Variants in ROBO1 observed in about 807,000 individuals in gnomAD.
ROBO1 encodes the protein roundabout homolog 1.
ROBO1 carries 149 observed loss-of-function variants against 195.9 expected under a neutral mutation model. The ratio of observed to expected loss-of-function variants is 0.76; its 90% CI spans 0.67 to 0.87. The LOEUF is 0.87. ROBO1 is among the 40% of genes least tolerant of loss of function. The pLI is 0.00. For missense variants in ROBO1, 1,933 were observed against 2,068.3 expected (o/e 0.93, Z 1.27); for synonymous variants, 816 against 733.2 (o/e 1.11, Z -1.82).
At chr3:78,881,294 G>A (rs984002867) in intron 4 of ROBO1, among the ~76,000 whole-genome samples, 1 of 152,094 alleles carries the variant, frequency 6.6e-6, no homozygotes, top group South Asian at 2.1e-4. Context: ...AGTGTGTTAC[G>A]GAGCCCCTCT....
chr3:79,631,791 G>A (rs1254296779), intron 1 of ROBO1, among the ~76,000 whole-genome samples: 1 of 151,766 alleles, frequency 6.6e-6, no homozygotes, highest in Non-Finnish European at 1.5e-5. Flanking sequence ...GAAAAAACAA[G>A]TAAACCCATT....
At chr3:79,551,309 G>T (rs893998361) in intron 2 of ROBO1, among the ~76,000 whole-genome samples, 5 of 151,548 alleles carry the variant, frequency 3.3e-5, no homozygotes, top group African/African-American at 1.2e-4. Flanking sequence ...TTAGCATTAG[G>T]TATATCTCCT....
intron 2 of ROBO1, among the ~76,000 whole-genome samples, chr3:79,492,176 G>A (rs1230362100): frequency 3.9e-5 from 6 of 152,134 alleles, no homozygotes; most frequent in Non-Finnish European, 5.9e-5. Flanking sequence ...TGTAATCCCA[G>A]CACTTTGGGA....
chr3:79,076,824 AG>A (rs575386655), intron 3 of ROBO1, among the ~76,000 whole-genome samples: 88 of 151,946 alleles, frequency 5.8e-4, no homozygotes, highest in African/African-American at 2.0e-3. Context: ...TATTATTAAT[AG>A]ATAACGTTGT....
chr3:78,723,670 G>A (rs12634881), intron 5 of ROBO1, among the ~76,000 whole-genome samples: 1 of 152,014 alleles, frequency 6.6e-6, no homozygotes, highest in African/African-American at 2.4e-5. Context: ...GGGGATTGAA[G>A]GGTGTGTGGG....
intron 2 of ROBO1, among the ~76,000 whole-genome samples, chr3:79,302,534 T>C (rs1016057979): frequency 1.1e-4 from 16 of 152,206 alleles, no homozygotes; most frequent in African/African-American, 3.9e-4. Flanking sequence ...TTCAATCAAA[T>C]TGTGATCAGT....
intron 2 of ROBO1, among the ~76,000 whole-genome samples, chr3:79,324,695 A>G (rs538401302): frequency 6.6e-6 from 1 of 152,324 alleles, no homozygotes; most frequent in East Asian, 1.9e-4. Context: ...TGAACTCAAG[A>G]GAGAACAGAC....
intron 1 of ROBO1, among the ~76,000 whole-genome samples, chr3:79,650,769 C>T (rs531801147): frequency 4.0e-4 from 60 of 151,898 alleles, no homozygotes; most frequent in African/African-American, 1.2e-3. Context: ...AAGAAGCATA[C>T]ATATAGTGGC....
At position 78,769,561 on chromosome 3, in the gene ROBO1, T is replaced by A. The variant is rs368648282; in HGVS notation, c.500-22661A>T. Among the ~76,000 whole-genome samples the A allele has an allele frequency of 9.2e-5, 14 of 151,794 alleles. No individual in the cohort carries two copies. The East Asian group carries it at 2.7e-3, about 29-fold the overall frequency. On this transcript the variant is annotated intron_variant, in intron 4 of 30. Coordinates refer to ENST00000464233, the MANE Select transcript of ROBO1 (RefSeq NM_002941.4). Reference sequence around the variant, plus strand: ...TTAGGCCATTTACATTCAATGTTAGTATTGAGATGTGAGGTGCCATTGCTT... The same window carrying A: ...TTAGGCCATTTACATTCAATGTTAGAATTGAGATGTGAGGTGCCATTGCTT...
intron 4 of ROBO1, among the ~76,000 whole-genome samples, chr3:78,892,859 T>G (rs2107384401): frequency 6.6e-6 from 1 of 152,248 alleles, no homozygotes; most frequent in South Asian, 2.1e-4. Context: ...CAGGAATTCC[T>G]TTTCCCATTC....
chr3:78,939,550 G>A (rs1458333448), intron 3 of ROBO1, among the ~76,000 whole-genome samples: 2 of 151,048 alleles, frequency 1.3e-5, no homozygotes, highest in Admixed American at 6.6e-5. Flanking sequence ...CCCGGGAGGC[G>A]GAGCTTGCAG....
intron 2 of ROBO1, among the ~76,000 whole-genome samples, chr3:79,464,239 G>GT (rs1937821548): frequency 6.6e-6 from 1 of 152,096 alleles, no homozygotes; most frequent in South Asian, 2.1e-4. Flanking sequence ...CTGTGTAAAA[G>GT]TTTTTTGTGT....
chr3:79,260,555 T>G (rs1042759887), intron 2 of ROBO1, among the ~76,000 whole-genome samples: 2 of 152,190 alleles, frequency 1.3e-5, no homozygotes, highest in African/African-American at 4.8e-5. Context: ...CTACAAGTTT[T>G]AACTGAGTTT....
chr3:79,411,276 A>G (rs2037752977), intron 2 of ROBO1, among the ~76,000 whole-genome samples: 2 of 152,182 alleles, frequency 1.3e-5, no homozygotes, highest in African/African-American at 4.8e-5. Flanking sequence ...CCTGTAACAC[A>G]TGAGACATAT....
chr3:79,261,357 G>A (rs1408778361), intron 2 of ROBO1, among the ~76,000 whole-genome samples: 2 of 151,938 alleles, frequency 1.3e-5, no homozygotes, highest in African/African-American at 2.4e-5. Context: ...ATCAGGCACT[G>A]TAAAAATGGG....
chr3:78,664,508 C>G (rs889383467), intron 14 of ROBO1, among the ~76,000 whole-genome samples: 1 of 152,202 alleles, frequency 6.6e-6, no homozygotes, highest in African/African-American at 2.4e-5. Flanking sequence ...AGGTGCTCAT[C>G]TCATCTTCCT....
intron 2 of ROBO1, among the ~76,000 whole-genome samples, chr3:79,311,268 TGAG>T (rs1322722285): frequency 6.6e-6 from 1 of 152,142 alleles, no homozygotes; most frequent in East Asian, 1.9e-4. Context: ...CTGAGAAGAA[TGAG>T]GAGGTATTCC....
chr3:78,747,451 T>C (rs1368454417), intron 4 of ROBO1, among the ~76,000 whole-genome samples: 1 of 152,184 alleles, frequency 6.6e-6, no homozygotes, highest in African/African-American at 2.4e-5. Context: ...ATAAAAACTT[T>C]AGACATATCT....
At chr3:79,155,236 T>C (rs561942970) in intron 2 of ROBO1, among the ~76,000 whole-genome samples, 3 of 151,660 alleles carry the variant, frequency 2.0e-5, no homozygotes, top group Non-Finnish European at 3.0e-5. Context: ...AGTCATATTC[T>C]ACAAAAAAGA....
Sources: gnomAD v4.1 joint callset for allele counts (sites outside exome capture counted in the v4.1 genomes callset) on GRCh38, gnomAD v4.1.1 for gene constraint, MANE v1.5 for transcripts, NCBI Gene and HGNC (gene_info 2026-07-23, HGNC 2026-07-21) for gene names.